Variants in RAB38 observed in about 807,000 individuals in gnomAD.
RAB38 encodes the protein ras-related protein Rab-38.
RAB38 carries 15 observed loss-of-function variants against 18.4 expected under a neutral mutation model. The observed-to-expected ratio is 0.82, with a 90% CI of 0.55 to 1.26. The LOEUF is 1.26. RAB38 is among the 50% of genes most tolerant of loss of function. The pLI is 0.00. For synonymous variants in RAB38, 101 were observed against 104.4 expected, an observed-to-expected ratio of 0.97 and a Z score of 0.20; for missense variants, 294 against 267.4, an observed-to-expected ratio of 1.10 and a Z score of -0.69.
At chr11:88,042,456 G>T in the RAB38 span, among the ~76,000 whole-genome samples, 1 of 152,164 alleles carries the variant, frequency 6.6e-6, no homozygotes, top group Admixed American at 6.5e-5. Flanking sequence ...CAGCCTCCAG[G>T]TTTCTTCAGA....
At chr11:88,069,585 T>C in the RAB38 span, among the ~76,000 whole-genome samples, 3 of 152,240 alleles carry the variant, frequency 2.0e-5, no homozygotes, top group Non-Finnish European at 2.9e-5. Context: ...ACTCTGTGTC[T>C]AGCTCAGGGT....
chr11:87,840,254 A>G, the RAB38 span, among the ~76,000 whole-genome samples: 1 of 152,214 alleles, frequency 6.6e-6, no homozygotes, highest in East Asian at 1.9e-4. Flanking sequence ...GTTTTTTGGC[A>G]TTTGAGCTAG....
At chr11:88,076,826 G>T in the RAB38 span, among the ~76,000 whole-genome samples, 1 of 149,774 alleles carries the variant, frequency 6.7e-6, no homozygotes, top group African/African-American at 2.4e-5. Context: ...GGGAGTGGTT[G>T]TGCAAGCCTA....
At chr11:88,095,860 C>A in the RAB38 span, among the ~76,000 whole-genome samples, 1 of 151,856 alleles carries the variant, frequency 6.6e-6, no homozygotes, top group Non-Finnish European at 1.5e-5. Context: ...ATTCCTCTCA[C>A]ACCTCACATC....
At chr11:87,948,337 G>C in the RAB38 span, among the ~76,000 whole-genome samples, 1 of 152,154 alleles carries the variant, frequency 6.6e-6, no homozygotes, top group Non-Finnish European at 1.5e-5. Context: ...CATGTCATCT[G>C]CAAACAGGGA....
the RAB38 span, among the ~76,000 whole-genome samples, chr11:87,942,728 C>G: frequency 6.6e-6 from 1 of 152,146 alleles, no homozygotes; most frequent in African/African-American, 2.4e-5. Context: ...TCTAAATTGT[C>G]CGATGACTGC....
the RAB38 span, among the ~76,000 whole-genome samples, chr11:88,055,493 C>T: frequency 6.6e-6 from 1 of 152,134 alleles, no homozygotes. Context: ...ACTTTTGAAT[C>T]ACTTTCAAAA....
chr11:88,102,366 C>T, the RAB38 span, among the ~76,000 whole-genome samples: 1 of 152,178 alleles, frequency 6.6e-6, no homozygotes, highest in Admixed American at 6.6e-5. Flanking sequence ...CTCAGTGAGG[C>T]TTCCACTTTG....
chr11:87,819,079 A>G, the RAB38 span, among the ~76,000 whole-genome samples: 3 of 152,332 alleles, frequency 2.0e-5, no homozygotes, highest in East Asian at 1.9e-4. Context: ...GTGTTTGCCA[A>G]TTCAGGTTTG....
At chr11:88,033,329 T>C in the RAB38 span, among the ~76,000 whole-genome samples, 2 of 151,946 alleles carry the variant, frequency 1.3e-5, no homozygotes, top group East Asian at 3.9e-4. Context: ...TATACATATG[T>C]AACTAACCTG....
chr11:87,956,753 C>A, the RAB38 span, among the ~76,000 whole-genome samples: 1 of 152,016 alleles, frequency 6.6e-6, no homozygotes, highest in South Asian at 2.1e-4. Context: ...TCTACCTTAA[C>A]TGAAAGTAAG....
the RAB38 span, among the ~76,000 whole-genome samples, chr11:87,923,545 TTCTGTGTG>T: frequency 7.9e-6 from 1 of 126,242 alleles, no homozygotes; most frequent in African/African-American, 3.5e-5. Flanking sequence ...AGTCAATTAA[TTCTGTGTG>T]TGTGTGTGTG....
chr11:87,976,421 A>G, the RAB38 span, among the ~76,000 whole-genome samples: 3 of 135,632 alleles, frequency 2.2e-5, no homozygotes, highest in African/African-American at 8.1e-5. Context: ...ATATATATTT[A>G]TATATTATGC....
the RAB38 span, among the ~76,000 whole-genome samples, chr11:87,937,311 C>CAT: frequency 0.047 from 3,883 of 81,972 alleles, 146 homozygotes; most frequent in Admixed American, 0.061. Context: ...ACTTGGTCAT[C>CAT]ATATATATAT....
the RAB38 span, among the ~76,000 whole-genome samples, chr11:87,808,416 G>A: frequency 6.6e-6 from 1 of 152,172 alleles, no homozygotes; most frequent in African/African-American, 2.4e-5. Flanking sequence ...CAAAATGGAT[G>A]AACCTCAAGG....
At chr11:87,911,795 T>C in the RAB38 span, among the ~76,000 whole-genome samples, 1 of 152,032 alleles carries the variant, frequency 6.6e-6, no homozygotes, top group South Asian at 2.1e-4. Flanking sequence ...GCTGTGTTTC[T>C]TATATTAAAG....
chr11:88,101,085 T>G, the RAB38 span, among the ~76,000 whole-genome samples: 1 of 151,966 alleles, frequency 6.6e-6, no homozygotes, highest in Non-Finnish European at 1.5e-5. Context: ...TCTTCATGTA[T>G]TTATCACTCC....
At chr11:88,125,658 T>C (rs1352351776) in intron 2 of RAB38, among the ~76,000 whole-genome samples, 1 of 152,222 alleles carries the variant, frequency 6.6e-6, no homozygotes, top group African/African-American at 2.4e-5. Context: ...TCTCCCATTC[T>C]GTACGTTGCC....
chr11:87,832,614 C>A, the RAB38 span, among the ~76,000 whole-genome samples: 1 of 152,268 alleles, frequency 6.6e-6, no homozygotes, highest in Middle Eastern at 3.4e-3. Flanking sequence ...AGCACCCAGG[C>A]CCCTATATCT....
Sources: allele counts gnomAD v4.1 joint callset (sites outside exome capture counted in the v4.1 genomes callset), GRCh38; gene constraint gnomAD v4.1.1; transcripts MANE v1.5; gene names NCBI Gene and HGNC (gene_info 2026-07-23, HGNC 2026-07-21).